MAP3K6: variants seen among roughly 807,000 people sequenced by gnomAD.
MAP3K6 encodes the protein mitogen-activated protein kinase kinase kinase 6.
MAP3K6 carries 105 observed loss-of-function variants against 147.1 expected under a neutral mutation model. The observed-to-expected ratio is 0.71, with a 90% CI of 0.61 to 0.84. The LOEUF (loss-of-function observed/expected upper bound fraction) is 0.84, where lower values mean the gene tolerates loss of function less well. Among genes scored for constraint, MAP3K6 ranks in the 40% least tolerant of loss-of-function variants. The pLI is 0.00. For synonymous variants in MAP3K6, 695 were observed against 732.4 expected (o/e 0.95, Z 0.82); for missense variants, 1,569 against 1,715.0 (o/e 0.91, Z 1.50).
Position 27,358,309 on chromosome 1 carries a change from A to G in MAP3K6, c.2787T>C (p.Ser929=), listed in dbSNP as rs34558621. The stretch of plus-strand genomic sequence containing the variant: ...AGTTGGCTGAAGGAGTGGGACTGGC[A>G]GAAGGGGCATCTGAGGGAGGGACAG... The part of the protein sequence containing the change: ...RHAPRPSDAP[S]ASPTPSANST... Residue 929 remains serine, a synonymous_variant, in exon 21 of 29, where the codon TCT becomes TCC. Coordinates refer to ENST00000357582, the MANE Select transcript of MAP3K6 (RefSeq NM_004672.5). This position sits in a 1 kb window ranked among gnomAD's most constrained non-coding sequence, Gnocchi z 6.2. The G allele has an allele frequency of 2.3e-3, 3,693 of 1,608,320 alleles. 72 individuals are homozygous for G. The African/African-American group carries it at 0.041, about 18-fold the overall frequency.
intron 5 of MAP3K6, 109 bp downstream of exon 5, chr1:27,363,808 A>C: frequency 9.1e-7 from 1 of 1,100,150 alleles, no homozygotes; most frequent in African/African-American, 1.6e-5. Context: ...GAGACATTGG[A>C]TAATTTGCCC....
chr1:27,356,697 C>G lies in MAP3K6; in HGVS notation c.3417G>C (p.Gly1139=), dbSNP rs2015538922. The change falls in exon 25 of 29, where the codon GGG becomes GGC. Residue 1139 remains glycine (G), a synonymous_variant. Coordinates refer to ENST00000357582, the MANE Select transcript of MAP3K6 (RefSeq NM_004672.5). ...GCTGGCCTGGGCTCTGCTGGGAGTCCCCTTCATTACTCAGCTCCTCTGACC... is the reference window on the plus strand; with the variant it reads ...GCTGGCCTGGGCTCTGCTGGGAGTCGCCTTCATTACTCAGCTCCTCTGACC... ...SPRSEELSNE[G]DSQQSPGQQS... is the part of the protein sequence containing the mutation. 4 of 1,606,678 alleles carry G rather than the reference C, an allele frequency of 2.5e-6. No individual in the cohort carries two copies. In the Admixed American group the frequency reaches 6.8e-5, roughly 27 times the overall value.
chr1:27,357,345 C>G (rs79512993), intron 23 of MAP3K6, 55 bp downstream of exon 23: 30,831 of 1,550,904 alleles, frequency 0.02, 418 homozygotes, highest in South Asian at 0.056. Flanking sequence ...TCACCAGGCA[C>G]GGGGAACTCA....
rs1205732156 is a variant in MAP3K6 at position 27,356,345 on chromosome 1, C to T, written c.3637+43G>A. Reference sequence around the variant, plus strand: ...CAAGGGTGCCTTGTGCTAGAAGCTGCCTTGAACCCACCAATAATGTTCTCC... The same window carrying T: ...CAAGGGTGCCTTGTGCTAGAAGCTGTCTTGAACCCACCAATAATGTTCTCC... On this transcript the variant is annotated intron_variant, in intron 26 of 28. Coordinates refer to ENST00000357582, the MANE Select transcript of MAP3K6 (RefSeq NM_004672.5). 3.2e-6 allele frequency: 5 copies of T among 1,539,672 alleles called. No homozygotes were observed. In the South Asian group the frequency reaches 3.7e-5, roughly 11 times the overall value.
intron 27 of MAP3K6, 112 bp from the exon 28 acceptor site, chr1:27,355,857 C>T (rs2015502174): frequency 1.7e-6 from 2 of 1,156,698 alleles, no homozygotes; most frequent in Non-Finnish European, 2.6e-6. Context: ...GCAGATCACA[C>T]CCTTCTGGGC....
In MAP3K6 at chr1:27,355,222, G is replaced by T; in HGVS notation, c.*169C>A. The T allele has an allele frequency of 4.1e-6, 3 of 725,536 alleles. No individual in the cohort carries two copies. The South Asian group carries it at 4.4e-5, about 11-fold the overall frequency. The allele number at this position is 725,536 out of a possible 1,614,324, so 44.9% of individuals were successfully genotyped here. On this transcript the variant is annotated 3_prime_UTR_variant, in exon 29 of 29. Coordinates refer to ENST00000357582, the MANE Select transcript of MAP3K6 (RefSeq NM_004672.5). ...TGTTTAATACGCTTTGTCTGGTAGT[G>T]CTTGGGTGCCTGTGGTTGGTTTCTC...
Position 27,359,203 on chromosome 1 carries a change from A to G in MAP3K6, c.2425+214T>C, listed in dbSNP as rs2015652680. Among the ~76,000 whole-genome samples, 1 of 152,020 alleles carries G rather than the reference A, an allele frequency of 6.6e-6. No homozygotes were observed. Among genetic ancestry groups the G allele is most frequent in the Non-Finnish European group, 1.5e-5 (1 of 68,008 alleles). On this transcript the variant is annotated intron_variant, in intron 18 of 28. Coordinates refer to ENST00000357582, the MANE Select transcript of MAP3K6 (RefSeq NM_004672.5). This position sits in a 1 kb window ranked among gnomAD's most constrained non-coding sequence, Gnocchi z 4.4. ...TCCAACTCCCACCTTGGCCTGCATC[A>G]ACACTCCTCAAGTGCTAAAGTCAAT... is the stretch of plus-strand genomic sequence containing the variant.
chr1:27,365,939 C>G (rs984939736), intron 1 of MAP3K6, among the ~76,000 whole-genome samples: 49 of 151,916 alleles, frequency 3.2e-4, no homozygotes, highest in Non-Finnish European at 6.2e-4. Flanking sequence ...CTCCCCGCCC[C>G]GCCCCAGAGT....
rs2015985352 is a variant in MAP3K6, at chr1:27,366,362, C to T, written c.236G>A (p.Cys79Tyr). The change falls in exon 1 of 29, where the codon TGC (cysteine) becomes TAC (tyrosine). Residue 79 changes from cysteine (C) to tyrosine (Y), a missense_variant. Coordinates refer to ENST00000357582, the MANE Select transcript of MAP3K6 (RefSeq NM_004672.5). This position sits in a 1 kb window ranked among gnomAD's most constrained non-coding sequence, Gnocchi z 5.5. ...CGGCCGCGGCCGGGGGACCTGCGCG[C>T]AAGCCTCGCGCAGGCAGCGCAGGGG... is the stretch of plus-strand genomic sequence containing the variant. The part of the protein sequence containing the change: ...PLPLRCLREA[C>Y]AQVPRPRPPP... The T allele has an allele frequency of 3.1e-5, 39 of 1,277,348 alleles. No individual in the cohort carries two copies. Among genetic ancestry groups the T allele is most frequent in the Non-Finnish European group, 3.8e-5 (39 of 1,013,230 alleles). 79.1% of individuals were successfully genotyped at this position (1,277,348 alleles called of 1,614,324 possible).
In MAP3K6 at chr1:27,355,379, C is replaced by T. The variant is rs1288300475; in HGVS notation, c.*12G>A. The T allele has an allele frequency of 2.5e-6, 4 of 1,612,792 alleles. No individual in the cohort carries two copies. In the Admixed American group the frequency reaches 5.0e-5, roughly 20 times the overall value. On this transcript the variant is annotated 3_prime_UTR_variant, in exon 29 of 29. Transcript: ENST00000357582. ...TTGGGCCTGTCTGGCCTATGATGCC[C>T]TCATTCAGCTCTCAGGGTCCAGAGG...
At position 27,361,018 on chromosome 1, in the gene MAP3K6, G is replaced by C. The variant is rs778578847; in HGVS notation, c.1833-10C>G. On this transcript the variant is annotated splice_polypyrimidine_tract_variant and intron_variant, in intron 13 of 28. Coordinates refer to ENST00000357582, the MANE Select transcript of MAP3K6 (RefSeq NM_004672.5). ...GATCAGGCCGCAGAACCTGAAGGTG[G>C]GGGAGGTCAGACCCGCGGGAGGGGC... 4.4e-6 allele frequency: 7 copies of C among 1,577,748 alleles called. No individual in the cohort carries two copies. The highest frequency in any genetic ancestry group is 6.0e-6 in the Non-Finnish European group (7 of 1,161,096).
In MAP3K6 at chr1:27,364,602, G is replaced by A; in HGVS notation, c.504+59C>T. 2 of 1,611,948 alleles carry A rather than the reference G, an allele frequency of 1.2e-6. No individual in the cohort carries two copies. Among genetic ancestry groups the A allele is most frequent in the Non-Finnish European group, 1.7e-6 (2 of 1,178,000 alleles). On this transcript the variant is annotated intron_variant, in intron 3 of 28. Transcript: ENST00000357582. The surrounding 1 kb of genome is among the most constrained non-coding windows in gnomAD (Gnocchi z 4.4). ...GAGGAGGCCAGGGGGATTAGTGGAG[G>A]TCAGAGGTCATAGCGGAAGTCAAAG... is the stretch of plus-strand genomic sequence containing the variant.
At position 27,362,254 on chromosome 1, in the gene MAP3K6, G is replaced by T. The variant is rs200525547; in HGVS notation, c.1256-4C>A. On this transcript the variant is annotated splice_region_variant and splice_polypyrimidine_tract_variant and intron_variant, in intron 8 of 28. Transcript: ENST00000357582. ...AGCAGGCAGCCCAGCTTCATGCCTGGGGGAGAGAGGCATGGGCTCCAGTGA... is the reference window on the plus strand; with the variant it reads ...AGCAGGCAGCCCAGCTTCATGCCTGTGGGAGAGAGGCATGGGCTCCAGTGA... 6.2e-7 allele frequency: 1 copy of T among 1,607,816 alleles called. No individual in the cohort carries two copies. The highest frequency in any genetic ancestry group is 2.2e-5 in the East Asian group (1 of 44,840).
chr1:27,355,210 TTGTC>T lies in MAP3K6; in HGVS notation c.*177_*180del. On this transcript the variant is annotated 3_prime_UTR_variant, in exon 29 of 29. Transcript: ENST00000357582. ...TCAAAAGTGTTCTGTTTAATACGCT[TTGTC>T]TGGTAGTGCTTGGGTGCCTGTGGTT... 1 of 701,500 alleles carries T rather than the reference TTGTC, an allele frequency of 1.4e-6. No homozygotes were observed. Among genetic ancestry groups the T allele is most frequent in the Non-Finnish European group, 2.6e-6 (1 of 380,326 alleles). 43.5% of individuals were successfully genotyped at this position (701,500 alleles called of 1,614,324 possible).
Position 27,364,708 on chromosome 1 carries a change from A to G in MAP3K6, c.481-24T>C, listed in dbSNP as rs1557568679. The G allele has an allele frequency of 1.2e-6, 2 of 1,613,954 alleles. No homozygotes were observed. Among genetic ancestry groups the G allele is most frequent in the African/African-American group, 1.3e-5 (1 of 74,874 alleles). On this transcript the variant is annotated intron_variant, in intron 2 of 28. Coordinates refer to ENST00000357582, the MANE Select transcript of MAP3K6 (RefSeq NM_004672.5). This position sits in a 1 kb window ranked among gnomAD's most constrained non-coding sequence, Gnocchi z 4.4. ...TCCTGCAGGAGGCAGACAGTCAGAT[A>G]CTGGTGTTCTGTGTAGGCCTTACCC...
chr1:27,366,204 C>T lies in MAP3K6; in HGVS notation c.340+54G>A, dbSNP rs2015974154. Reference sequence around the variant, plus strand: ...TGAGCCTTCGAGCCCGGCTTGGTCCCCTCCCAGGACCCTGAGTCCCGCCCG... The same window carrying T: ...TGAGCCTTCGAGCCCGGCTTGGTCCTCTCCCAGGACCCTGAGTCCCGCCCG... On this transcript the variant is annotated intron_variant, in intron 1 of 28. Coordinates refer to ENST00000357582, the MANE Select transcript of MAP3K6 (RefSeq NM_004672.5). The surrounding 1 kb of genome is among the most constrained non-coding windows in gnomAD (Gnocchi z 5.5). 2 of 1,266,692 alleles carry T rather than the reference C, an allele frequency of 1.6e-6. No individual in the cohort carries two copies. Among genetic ancestry groups the T allele is most frequent in the East Asian group, 6.3e-5 (2 of 31,726 alleles). 78.5% of individuals were successfully genotyped at this position (1,266,692 alleles called of 1,614,324 possible).
chr1:27,362,906 T>C lies in MAP3K6; in HGVS notation c.1087A>G (p.Met363Val), dbSNP rs140381798. The C allele has an allele frequency of 1.6e-4, 257 of 1,614,066 alleles. No homozygotes were observed. In the African/African-American group the frequency reaches 2.9e-3, roughly 18 times the overall value. Residue 363 changes from methionine (M) to valine (V), a missense_variant, in exon 7 of 29, where the codon ATG becomes GTG. Coordinates refer to ENST00000357582, the MANE Select transcript of MAP3K6 (RefSeq NM_004672.5). ...TCCTGGAAACCCGAGCTGAAGAACA[T>C]GTCCTTGTAGATACGGCCACACATG... ...YCMCGRIYKD[M>V]FFSSGFQDAG...
rs1248554608 is a variant in MAP3K6, at chr1:27,359,654, C to T, written c.2320-132G>A. 7.0e-7 allele frequency: 1 copy of T among 1,426,768 alleles called. No homozygotes were observed. Among genetic ancestry groups the T allele is most frequent in the South Asian group, 1.3e-5 (1 of 77,780 alleles). The allele number at this position is 1,426,768 out of a possible 1,614,324, so 88.4% of individuals were successfully genotyped here. On this transcript the variant is annotated intron_variant, in intron 17 of 28. Transcript: ENST00000357582. The surrounding 1 kb of genome is among the most constrained non-coding windows in gnomAD (Gnocchi z 4.4). The stretch of plus-strand genomic sequence containing the variant: ...TCAACACTCTCCCCTTGCCATCCCA[C>T]TTATATGCCCCTCTGGGAGCTGACA...
chr1:27,355,957 C>G (rs1473204109), intron 27 of MAP3K6, 69 bp downstream of exon 27: 1 of 1,437,546 alleles, frequency 7.0e-7, no homozygotes, highest in South Asian at 1.2e-5. Flanking sequence ...AGTAGAAGAG[C>G]AGGAAGATGG....
Sources: gnomAD v4.1 joint callset for allele counts (sites outside exome capture counted in the v4.1 genomes callset) on GRCh38, gnomAD v4.1.1 for gene constraint, Gnocchi (gnomAD v3.1) non-coding constraint, MANE v1.5 for transcripts, NCBI Gene and HGNC (gene_info 2026-07-23, HGNC 2026-07-21) for gene names.